OTUD5: variants seen among roughly 807,000 people sequenced by gnomAD.
The protein encoded by OTUD5 is OTU domain-containing protein 5.
OTUD5 carries 2 observed loss-of-function variants against 36.3 expected under a neutral mutation model. The observed-to-expected ratio is 0.06, with a 90% CI of 0.02 to 0.17. The LOEUF (loss-of-function observed/expected upper bound fraction) is 0.17, where lower values mean the gene tolerates loss of function less well. Among genes scored for constraint, OTUD5 ranks in the 10% least tolerant of loss-of-function variants. The pLI is 1.00. For missense variants in OTUD5, 233 were observed against 512.3 expected, an observed-to-expected ratio of 0.45 and a Z score of 5.26; for synonymous variants, 234 against 214.9, an observed-to-expected ratio of 1.09 and a Z score of -0.78.
At chrX:48,948,087 C>T (rs2064064066) in intron 1 of OTUD5, among the ~76,000 whole-genome samples, 1 of 112,949 alleles carries the variant, frequency 8.9e-6, no homozygotes, top group South Asian at 3.6e-4. Flanking sequence ...GTGGCTCACG[C>T]CTGTAATCCC....
chrX:48,942,412 A>G (rs2063950342), intron 2 of OTUD5, among the ~76,000 whole-genome samples: 1 of 109,640 alleles, frequency 9.1e-6, no homozygotes, highest in Admixed American at 9.7e-5. Flanking sequence ...ATGACTGCCC[A>G]AGACTCAGAT....
intron 2 of OTUD5, among the ~76,000 whole-genome samples, chrX:48,939,676 G>C (rs138103357): frequency 0.014 from 1,565 of 112,179 alleles, 26 homozygotes; most frequent in African/African-American, 0.046. Context: ...GGTAGGTGGA[G>C]GGCAGGGGAA....
At position 48,923,376 on chromosome X, in the gene OTUD5, C is replaced by T. The variant is rs1057185202; in HGVS notation, c.1580-81G>A. 9.7e-5 allele frequency: 79 copies of T among 813,866 alleles called. No homozygotes were observed. The Admixed American group carries it at 1.9e-3, about 20-fold the overall frequency. The allele number at this position is 813,866 out of a possible 1,213,427, so 67.1% of individuals were successfully genotyped here. A position where few individuals can be genotyped will look rare whatever the true frequency, so the allele number is the denominator to read the frequency against. ...CCTCACCCTGTGCCGACATCTGGGG[C>T]TCTGGAGAAATCCCATAGGGCCCTT... On this transcript the variant is annotated intron_variant, in intron 8 of 8. Coordinates refer to ENST00000376488, the MANE Select transcript of OTUD5 (RefSeq NM_001136157.2).
intron 5 of OTUD5, among the ~76,000 whole-genome samples, chrX:48,930,840 T>C (rs781914546): frequency 8.4e-4 from 93 of 110,520 alleles, no homozygotes; most frequent in African/African-American, 2.9e-3. Context: ...CGCATGCCTG[T>C]AATCCCAGCT....
In OTUD5 at chrX:48,923,717, C is replaced by T. The variant is rs1471776966; in HGVS notation, c.1495G>A (p.Asp499Asn). 2 of 1,206,599 alleles carry T rather than the reference C, an allele frequency of 1.7e-6. No homozygotes were observed. The highest frequency in any genetic ancestry group is 1.1e-6 in the Non-Finnish European group (1 of 892,094). ...GTSSQFSAGA[D>N]RATSPLVSLY... Reference sequence around the variant, plus strand: ...GACACAAGGGGGGAAGTTGCCCGGTCGGCCCCTGCCGAGAACTGACTGCTT... The same window carrying T: ...GACACAAGGGGGGAAGTTGCCCGGTTGGCCCCTGCCGAGAACTGACTGCTT... Residue 499 changes from aspartate to asparagine, a missense_variant, in exon 8 of 9, where the codon GAC becomes AAC. By Grantham distance (23) the Asp-to-Asn change is conservative. Coordinates refer to ENST00000376488, the MANE Select transcript of OTUD5 (RefSeq NM_001136157.2).
chrX:48,930,564 G>A (rs782667774), intron 5 of OTUD5, among the ~76,000 whole-genome samples: 1 of 112,244 alleles, frequency 8.9e-6, no homozygotes, highest in East Asian at 2.8e-4. Context: ...TCAGCTGACA[G>A]GGCCTAGAAG....
At position 48,922,801 on chromosome X, in the gene OTUD5, A is replaced by G; in HGVS notation, c.*373T>C. 1 of 781,678 alleles carries G rather than the reference A, an allele frequency of 1.3e-6. No homozygotes were observed. The highest frequency in any genetic ancestry group is 1.5e-6 in the Non-Finnish European group (1 of 657,125). The allele number at this position is 781,678 out of a possible 1,213,427, so 64.4% of individuals were successfully genotyped here. A position where few individuals can be genotyped will look rare whatever the true frequency, so the allele number is the denominator to read the frequency against. ...TCTCATCTTGGAAGGAATGAGGGGCAGGGAGACTTTCCTCTGTCTGAATGT... is the reference window on the plus strand; with the variant it reads ...TCTCATCTTGGAAGGAATGAGGGGCGGGGAGACTTTCCTCTGTCTGAATGT... On this transcript the variant is annotated 3_prime_UTR_variant, in exon 9 of 9. Coordinates refer to ENST00000376488, the MANE Select transcript of OTUD5 (RefSeq NM_001136157.2).
At chrX:48,939,749 T>C (rs782563832) in intron 2 of OTUD5, among the ~76,000 whole-genome samples, 1 of 112,142 alleles carries the variant, frequency 8.9e-6, no homozygotes, top group Non-Finnish European at 1.9e-5. Context: ...GGGAAGTCCT[T>C]ATGTAACTAA....
At chrX:48,924,526 C>G (rs1557047276) in intron 6 of OTUD5, among the ~76,000 whole-genome samples, 1 of 111,892 alleles carries the variant, frequency 8.9e-6, no homozygotes, top group East Asian at 2.8e-4. Context: ...AGAGTAAATG[C>G]CAAAGTCCTC....
At chrX:48,952,778 T>C (rs1269235261) in intron 1 of OTUD5, among the ~76,000 whole-genome samples, 1 of 112,565 alleles carries the variant, frequency 8.9e-6, no homozygotes, top group African/African-American at 3.2e-5. Flanking sequence ...CCACGTTGCC[T>C]GGGCAGAGAC....
intron 5 of OTUD5, among the ~76,000 whole-genome samples, chrX:48,933,882 G>A (rs1368498970): frequency 5.4e-5 from 6 of 110,799 alleles, no homozygotes; most frequent in Non-Finnish European, 1.1e-4. Flanking sequence ...CTGAATAGAA[G>A]ATACCAAAAT....
intron 2 of OTUD5, among the ~76,000 whole-genome samples, chrX:48,941,140 G>T (rs1251163336): frequency 2.7e-5 from 3 of 111,261 alleles, no homozygotes; most frequent in Non-Finnish European, 5.7e-5. Flanking sequence ...ATCATAAAAA[G>T]AATGTGTCCT....
rs1442049958 is a variant in OTUD5 at position 48,955,131 on chromosome X, T to C, written c.594+1846A>G. Reference sequence around the variant, plus strand: ...AAAGCTTGGGCCCAGACTCTTTTCCTCAGAATCCTACCCTATTCATGTCCC... The same window carrying C: ...AAAGCTTGGGCCCAGACTCTTTTCCCCAGAATCCTACCCTATTCATGTCCC... On this transcript the variant is annotated intron_variant, in intron 1 of 8. Transcript: ENST00000376488. Among the ~76,000 whole-genome samples, 3 of 111,703 alleles carry C rather than the reference T, an allele frequency of 2.7e-5. No individual in the cohort carries two copies. In the East Asian group the frequency reaches 8.5e-4, roughly 32 times the overall value.
intron 2 of OTUD5, 80 bp from the exon 3 acceptor site, chrX:48,935,098 G>A (rs1342301009): frequency 2.2e-6 from 2 of 919,390 alleles, no homozygotes; most frequent in Admixed American, 5.1e-5. Context: ...CCTTTGGGGA[G>A]GAGGAACTGG....
At position 48,943,868 on chromosome X, in the gene OTUD5, G is replaced by A. The variant is rs187338772; in HGVS notation, c.688+322C>T. 6.1e-4 allele frequency among the ~76,000 whole-genome samples: 68 copies of A among 111,619 alleles called. 1 individual carries two copies. Among genetic ancestry groups the A allele is most frequent in the Non-Finnish European group, 1.0e-3 (55 of 53,047 alleles). ...CATCTCTGAGCCACTTTTCTCATCT[G>A]ACAAATGGAAGCAACAGTAGTCCCT... On this transcript the variant is annotated intron_variant, in intron 2 of 8. Transcript: ENST00000376488.
chrX:48,924,235 T>TA (rs1426244115), intron 6 of OTUD5, among the ~76,000 whole-genome samples, 183 bp from the exon 7 acceptor site: 2 of 111,313 alleles, frequency 1.8e-5, no homozygotes, highest in Non-Finnish European at 3.8e-5. Context: ...TGGAGCTCCT[T>TA]ACCCTTTCTC....
intron 1 of OTUD5, among the ~76,000 whole-genome samples, chrX:48,956,520 G>C (rs976015899): frequency 1.8e-5 from 2 of 111,484 alleles, no homozygotes; most frequent in Non-Finnish European, 3.8e-5. Flanking sequence ...GTTCAGCCCC[G>C]ATCTCCGAGG....
chrX:48,949,607 G>A (rs1158785619), intron 1 of OTUD5, among the ~76,000 whole-genome samples: 1 of 111,356 alleles, frequency 9.0e-6, no homozygotes, highest in African/African-American at 3.3e-5. Flanking sequence ...GAACCTGGGA[G>A]GCGAAGGTTG....
intron 5 of OTUD5, among the ~76,000 whole-genome samples, chrX:48,928,266 G>A (rs781990264): frequency 3.6e-5 from 4 of 111,789 alleles, no homozygotes; most frequent in East Asian, 2.8e-4. Context: ...TTGCTCCCAG[G>A]TATGTATACA....
Sources: gnomAD v4.1 joint callset for allele counts (sites outside exome capture counted in the v4.1 genomes callset) on GRCh38, gnomAD v4.1.1 for gene constraint, MANE v1.5 for transcripts, NCBI Gene and HGNC (gene_info 2026-07-23, HGNC 2026-07-21) for gene names.